Variants in CIROZ observed in about 807,000 individuals in gnomAD.
CIROZ encodes the protein ciliated left-right organizer ZP-N domains-containing protein.
the CIROZ span, chr1:10,970,119 G>A: frequency 6.7e-7 from 1 of 1,493,392 alleles, no homozygotes; most frequent in East Asian, 2.5e-5. Flanking sequence ...GAGGGAGGGA[G>A]GTGGGGAAGG....
the CIROZ span, chr1:10,976,270 G>T: frequency 2.6e-6 from 4 of 1,524,186 alleles, no homozygotes; most frequent in East Asian, 9.8e-5. Context: ...CGGGAGAGGA[G>T]GGAAGGGGGT....
chr1:10,979,137 G>A, the CIROZ span, among the ~76,000 whole-genome samples: 8 of 152,044 alleles, frequency 5.3e-5, no homozygotes, highest in African/African-American at 9.7e-5. Flanking sequence ...GATTACAGGC[G>A]TGTGCCACCA....
the CIROZ span, among the ~76,000 whole-genome samples, chr1:10,968,066 G>A: frequency 6.6e-6 from 1 of 152,172 alleles, no homozygotes; most frequent in South Asian, 2.1e-4. Context: ...GGCTGAAGCA[G>A]AAGAATCGCT....
chr1:10,948,340 G>A, the CIROZ span: 1 of 1,613,636 alleles, frequency 6.2e-7, no homozygotes, highest in Admixed American at 1.7e-5. Flanking sequence ...TCTGCAGCCA[G>A]TGTGGCCCGC....
At chr1:10,953,135 C>T in the CIROZ span, among the ~76,000 whole-genome samples, 1 of 152,172 alleles carries the variant, frequency 6.6e-6, no homozygotes, top group Admixed American at 6.5e-5. Flanking sequence ...CTGTGGTAGG[C>T]AGTCCCCCTT....
the CIROZ span, among the ~76,000 whole-genome samples, chr1:10,968,029 G>C: frequency 6.6e-6 from 1 of 151,910 alleles, no homozygotes; most frequent in Non-Finnish European, 1.5e-5. Flanking sequence ...GCGGTGGGGG[G>C]GCACCTGTAG....
chr1:10,972,341 G>C, the CIROZ span, among the ~76,000 whole-genome samples: 1 of 151,224 alleles, frequency 6.6e-6, no homozygotes, highest in East Asian at 2.0e-4. Flanking sequence ...GTAAGTTGAG[G>C]TTTTAGTGTG....
the CIROZ span, among the ~76,000 whole-genome samples, chr1:10,951,730 T>TAAAAAAAAAAAA: frequency 1.6e-5 from 2 of 125,350 alleles, no homozygotes; most frequent in African/African-American, 6.6e-5. Context: ...GTCTCTTATT[T>TAAAAAAAAAAAA]AAAAAAAAAA....
At chr1:10,975,215 G>A in the CIROZ span, among the ~76,000 whole-genome samples, 1 of 152,056 alleles carries the variant, frequency 6.6e-6, no homozygotes, top group Admixed American at 6.6e-5. Flanking sequence ...AGGCCAGCCT[G>A]GCTAACATGG....
chr1:10,959,505 C>A, the CIROZ span, among the ~76,000 whole-genome samples: 2 of 152,342 alleles, frequency 1.3e-5, no homozygotes, highest in South Asian at 4.1e-4. This position sits in a 1 kb window ranked among gnomAD's most constrained non-coding sequence, Gnocchi z 4.3. Context: ...TCTCCAAATG[C>A]CCCTTTGCCT....
the CIROZ span, among the ~76,000 whole-genome samples, chr1:10,978,761 CA>C: frequency 6.6e-6 from 1 of 151,994 alleles, no homozygotes; most frequent in African/African-American, 2.4e-5. Context: ...CATTCCTCAG[CA>C]GAGGAAATAG....
chr1:10,969,297 C>G, the CIROZ span, among the ~76,000 whole-genome samples: 8 of 152,204 alleles, frequency 5.3e-5, no homozygotes, highest in South Asian at 2.1e-4. Context: ...TCTCTCTACT[C>G]GTGTTCCCTC....
chr1:10,971,332 A>G, the CIROZ span, among the ~76,000 whole-genome samples: 1 of 151,206 alleles, frequency 6.6e-6, no homozygotes, highest in African/African-American at 2.4e-5. Context: ...CATTCTTGAC[A>G]CGGCAGCCAC....
At chr1:10,955,048 G>A in the CIROZ span, 54 of 1,613,506 alleles carry the variant, frequency 3.3e-5, no homozygotes, top group Non-Finnish European at 4.4e-5. Flanking sequence ...CTTGTTCTCA[G>A]TCACCATAAA....
chr1:10,964,373 T>A, the CIROZ span: 1 of 1,338,770 alleles, frequency 7.5e-7, no homozygotes, highest in East Asian at 2.6e-5. Flanking sequence ...TAGGACACCA[T>A]GAACCTCCTA....
the CIROZ span, among the ~76,000 whole-genome samples, chr1:10,959,263 GGAGGTTCCCCTGATGT>G: frequency 5.3e-5 from 8 of 152,292 alleles, no homozygotes; most frequent in South Asian, 1.7e-3. The surrounding 1 kb of genome is among the most constrained non-coding windows in gnomAD (Gnocchi z 4.3). Context: ...CCAGCAGTGG[GGAGGTTCCCCTGATGT>G]GGGATTTTCA....
At chr1:10,948,904 G>A in the CIROZ span, 12,344 of 1,422,568 alleles carry the variant, frequency 8.7e-3, 560 homozygotes, top group African/African-American at 0.11. Flanking sequence ...CATGGGCTCC[G>A]GCTGCCCTGA....
chr1:10,975,407 GAAAA>G, the CIROZ span, among the ~76,000 whole-genome samples: 27 of 78,836 alleles, frequency 3.4e-4, no homozygotes, highest in African/African-American at 6.5e-4. Context: ...CTCTGTCTCA[GAAAA>G]AAAAAAAAAA....
chr1:10,954,308 G>A, the CIROZ span, among the ~76,000 whole-genome samples: 2 of 152,018 alleles, frequency 1.3e-5, no homozygotes, highest in African/African-American at 4.8e-5. Context: ...CAAAAAATTA[G>A]CTGGGCGTGG....
Sources: gnomAD v4.1 joint callset for allele counts (sites outside exome capture counted in the v4.1 genomes callset) on GRCh38, gnomAD v4.1.1 for gene constraint, Gnocchi (gnomAD v3.1) non-coding constraint, MANE v1.5 for transcripts, NCBI Gene and HGNC (gene_info 2026-07-23, HGNC 2026-07-21) for gene names.